Variants in QTMAN observed in about 807,000 individuals in gnomAD.
The protein encoded by QTMAN is tRNA-queuosine alpha-mannosyltransferase.
the QTMAN span, among the ~76,000 whole-genome samples, chr2:144,206,596 C>A: frequency 2.0e-5 from 3 of 152,130 alleles, no homozygotes; most frequent in African/African-American, 7.2e-5. Context: ...AAATGGCATA[C>A]CTTGAGAGAT....
the QTMAN span, among the ~76,000 whole-genome samples, chr2:144,055,216 T>C: frequency 6.6e-6 from 1 of 152,104 alleles, no homozygotes; most frequent in African/African-American, 2.4e-5. Context: ...CTAAGTTTTA[T>C]TGCTGTTAAT....
the QTMAN span, among the ~76,000 whole-genome samples, chr2:144,182,843 T>TATATATA: frequency 1.5e-5 from 1 of 64,538 alleles, no homozygotes; most frequent in African/African-American, 6.8e-5. Context: ...ATATATATTA[T>TATATATA]ATATATATTT....
chr2:143,998,147 C>G, the QTMAN span, among the ~76,000 whole-genome samples: 5 of 151,972 alleles, frequency 3.3e-5, no homozygotes, highest in African/African-American at 7.2e-5. Flanking sequence ...AGGAAATTAA[C>G]TACATGTAAC....
At chr2:144,219,483 T>C in the QTMAN span, among the ~76,000 whole-genome samples, 1 of 152,058 alleles carries the variant, frequency 6.6e-6, no homozygotes, top group East Asian at 1.9e-4. Context: ...GAAGCCAGTA[T>C]TAGAAACTGT....
At chr2:143,951,941 A>G in the QTMAN span, 19 of 929,794 alleles carry the variant, frequency 2.0e-5, no homozygotes, top group Admixed American at 1.0e-4. Flanking sequence ...TTGTACTTCA[A>G]TATGGCATTT....
the QTMAN span, among the ~76,000 whole-genome samples, chr2:143,978,486 G>A: frequency 6.6e-6 from 1 of 152,122 alleles, no homozygotes; most frequent in Non-Finnish European, 1.5e-5. Context: ...AATCTCACTG[G>A]ATATTGTACA....
At chr2:144,258,266 A>G in the QTMAN span, among the ~76,000 whole-genome samples, 2 of 151,682 alleles carry the variant, frequency 1.3e-5, no homozygotes, top group South Asian at 2.1e-4. Flanking sequence ...ATGAAAGAGG[A>G]AAAAAAAGGA....
At chr2:143,955,604 C>T in the QTMAN span, among the ~76,000 whole-genome samples, 1 of 152,256 alleles carries the variant, frequency 6.6e-6, no homozygotes, top group East Asian at 1.9e-4. Context: ...TGATGGTATG[C>T]CTTTTGCTTT....
the QTMAN span, among the ~76,000 whole-genome samples, chr2:144,271,494 A>G: frequency 9.2e-5 from 14 of 152,220 alleles, no homozygotes; most frequent in Non-Finnish European, 1.9e-4. Context: ...GAACAGTCTT[A>G]AAGCCAAATG....
chr2:144,262,951 GGGGAA>G, the QTMAN span, among the ~76,000 whole-genome samples: 1 of 86,892 alleles, frequency 1.2e-5, no homozygotes, highest in Admixed American at 1.1e-4. Context: ...GGAGGGGATA[GGGGAA>G]GGGAGGAGAG....
the QTMAN span, among the ~76,000 whole-genome samples, chr2:144,113,539 T>C: frequency 6.6e-6 from 1 of 152,328 alleles, no homozygotes; most frequent in East Asian, 1.9e-4. Context: ...TGAAAAAATA[T>C]TCAAAGAAAT....
At chr2:144,082,886 ACACG>A in the QTMAN span, among the ~76,000 whole-genome samples, 11 of 152,190 alleles carry the variant, frequency 7.2e-5, no homozygotes, top group African/African-American at 2.4e-4. Flanking sequence ...ATTAAAATAC[ACACG>A]CACACACACA....
the QTMAN span, among the ~76,000 whole-genome samples, chr2:144,297,106 C>T: frequency 6.6e-6 from 1 of 152,086 alleles, no homozygotes; most frequent in South Asian, 2.1e-4. Flanking sequence ...TTAGAAAACA[C>T]AAAGAGTCAA....
the QTMAN span, among the ~76,000 whole-genome samples, chr2:144,264,764 A>G: frequency 6.6e-6 from 1 of 152,208 alleles, no homozygotes; most frequent in African/African-American, 2.4e-5. Context: ...AGATATTCCT[A>G]TAGTGGGTAA....
the QTMAN span, among the ~76,000 whole-genome samples, chr2:143,994,400 C>CA: frequency 2.6e-5 from 4 of 152,078 alleles, no homozygotes; most frequent in African/African-American, 9.7e-5. Flanking sequence ...CTAACCCCCC[C>CA]AAAGTGAAAA....
the QTMAN span, among the ~76,000 whole-genome samples, chr2:144,013,564 G>C: frequency 6.6e-6 from 1 of 152,150 alleles, no homozygotes. Flanking sequence ...AAGAAAGCAG[G>C]AGAATCAGTG....
chr2:144,128,610 C>T, the QTMAN span, among the ~76,000 whole-genome samples: 2 of 151,936 alleles, frequency 1.3e-5, no homozygotes, highest in Non-Finnish European at 2.9e-5. Context: ...AGTTTTTTCT[C>T]TTTGCTTCTA....
chr2:144,194,987 TC>T, the QTMAN span, among the ~76,000 whole-genome samples: 1 of 152,156 alleles, frequency 6.6e-6, no homozygotes, highest in Admixed American at 6.5e-5. Flanking sequence ...CTACCAGCTT[TC>T]TAAAATATAA....
the QTMAN span, among the ~76,000 whole-genome samples, chr2:144,245,805 G>C: frequency 1.3e-5 from 2 of 152,098 alleles, no homozygotes; most frequent in Non-Finnish European, 2.9e-5. Flanking sequence ...AAATAACATA[G>C]CATTTCCAAA....
Sources: allele counts gnomAD v4.1 joint callset (sites outside exome capture counted in the v4.1 genomes callset), GRCh38; gene constraint gnomAD v4.1.1; transcripts MANE v1.5; gene names NCBI Gene and HGNC (gene_info 2026-07-23, HGNC 2026-07-21).